The following RASSF3 variants were observed in gnomAD, a reference collection of about 807,000 sequenced individuals.
The protein encoded by RASSF3 is Ras association domain family member 3, also known as ras association domain-containing protein 3.
In RASSF3, 19 loss-of-function variants were observed where a neutral mutation model predicts 19.9. The ratio of observed to expected loss-of-function variants is 0.96; its 90% CI spans 0.67 to 1.40. RASSF3 has a LOEUF of 1.40. Ranked by LOEUF, RASSF3 falls within the 40% of genes most tolerant of loss-of-function variation. The probability of loss-of-function intolerance (pLI) is 0.00; values close to 1 mark genes in which losing one functional copy is unlikely to be tolerated. For missense variants in RASSF3, 306 were observed against 289.8 expected, an observed-to-expected ratio of 1.06 and a Z score of -0.41; for synonymous variants, 110 against 104.2, an observed-to-expected ratio of 1.06 and a Z score of -0.34.
At chr12:64,540,758 T>G (rs1232149299) in intron 1 of RASSF3, among the ~76,000 whole-genome samples, 2 of 152,202 alleles carry the variant, frequency 1.3e-5, no homozygotes, top group Non-Finnish European at 2.9e-5. Flanking sequence ...AGGTCAAGAC[T>G]GCAGTAAGCT....
chr12:64,535,270 C>T (rs556162572), intron 1 of RASSF3, among the ~76,000 whole-genome samples: 1 of 151,934 alleles, frequency 6.6e-6, no homozygotes, highest in South Asian at 2.1e-4. Context: ...GGGCTGCAAT[C>T]ATGCCACTGC....
intron 1 of RASSF3, among the ~76,000 whole-genome samples, chr12:64,632,187 C>T (rs920617415): frequency 1.4e-4 from 22 of 152,052 alleles, no homozygotes; most frequent in Admixed American, 3.3e-4. Flanking sequence ...AGGCAGGCAC[C>T]GGGCCAGAAG....
chr12:64,584,800 G>A (rs922275015), intron 2 of RASSF3, among the ~76,000 whole-genome samples: 8 of 151,362 alleles, frequency 5.3e-5, no homozygotes, highest in Non-Finnish European at 1.0e-4. Context: ...GGGAGGTTTG[G>A]TTGGCTGAAG....
At chr12:64,547,398 C>T (rs1018634454) in intron 2 of RASSF3, among the ~76,000 whole-genome samples, 8 of 151,916 alleles carry the variant, frequency 5.3e-5, no homozygotes, top group Non-Finnish European at 1.0e-4. Flanking sequence ...AAACCCCCAT[C>T]TCTACTAAAA....
intron 1 of RASSF3, among the ~76,000 whole-genome samples, chr12:64,641,428 G>T (rs1000766100): frequency 1.6e-5 from 1 of 61,948 alleles, no homozygotes; most frequent in African/African-American, 7.0e-5. Context: ...GCGCGCGCGC[G>T]TTGAAAACAA....
At chr12:64,510,101 A>G (rs1868319914) in intron 1 of RASSF3, among the ~76,000 whole-genome samples, 1 of 151,924 alleles carries the variant, frequency 6.6e-6, no homozygotes, top group Non-Finnish European at 1.5e-5. Context: ...AAAAAAAAAA[A>G]AAAAAATTTC....
At chr12:64,532,409 C>G (rs912867620), upstream of RASSF3, among the ~76,000 whole-genome samples, 3 of 152,192 alleles carry the variant, frequency 2.0e-5, no homozygotes, top group African/African-American at 7.2e-5. Context: ...AATCAGCAGT[C>G]CTGCTCATAA....
chr12:64,508,845 G>T (rs534565219), intron 1 of RASSF3, among the ~76,000 whole-genome samples: 1 of 150,376 alleles, frequency 6.6e-6, no homozygotes, highest in South Asian at 2.1e-4. Context: ...GAGATTGTGC[G>T]ATTGCACTCC....
At chr12:64,647,379 G>A (rs1592442331) in intron 1 of RASSF3, among the ~76,000 whole-genome samples, 1 of 151,484 alleles carries the variant, frequency 6.6e-6, no homozygotes, top group East Asian at 1.9e-4. Context: ...GGGATTGCAG[G>A]CACACACCAC....
chr12:64,539,779 GA>G (rs902772917), intron 1 of RASSF3, among the ~76,000 whole-genome samples: 6 of 147,358 alleles, frequency 4.1e-5, no homozygotes, highest in African/African-American at 1.2e-4. Flanking sequence ...TGTCTCAAAA[GA>G]AAAAAAAAAT....
downstream of RASSF3, among the ~76,000 whole-genome samples, chr12:64,542,905 C>G (rs560902444): frequency 7.9e-4 from 121 of 152,248 alleles, no homozygotes; most frequent in African/African-American, 2.7e-3. Flanking sequence ...GGAGGCGGCT[C>G]CCTCAGTCTG....
At chr12:64,579,806 TG>T (rs1371234240) in intron 2 of RASSF3, among the ~76,000 whole-genome samples, 4 of 132,714 alleles carry the variant, frequency 3.0e-5, no homozygotes, top group African/African-American at 1.1e-4. Flanking sequence ...GGTGTTTTTT[TG>T]GGTTTTTTTT....
chr12:64,602,731 A>AAAAG (rs979773421), intron 2 of RASSF3, among the ~76,000 whole-genome samples: 3 of 152,270 alleles, frequency 2.0e-5, no homozygotes, highest in South Asian at 2.1e-4. Context: ...AAAAATGAAA[A>AAAAG]AAAGAAAGAA....
chr12:64,519,781 T>C (rs918172368), intron 1 of RASSF3, among the ~76,000 whole-genome samples: 2 of 152,148 alleles, frequency 1.3e-5, no homozygotes, highest in South Asian at 2.1e-4. Context: ...TGTTTATGTA[T>C]ATAAACACGT....
chr12:64,602,773 A>G (rs1236529447), intron 2 of RASSF3, among the ~76,000 whole-genome samples: 1 of 151,942 alleles, frequency 6.6e-6, no homozygotes, highest in Admixed American at 6.6e-5. Context: ...TCACAACTAA[A>G]GAAGGATTTC....
At chr12:64,575,083 C>T (rs1869574195) in intron 2 of RASSF3, among the ~76,000 whole-genome samples, 1 of 152,034 alleles carries the variant, frequency 6.6e-6, no homozygotes, top group African/African-American at 2.4e-5. Context: ...AAAGAAATAA[C>T]AGAAATAAGG....
chr12:64,573,630 T>A (rs949394292), intron 2 of RASSF3, among the ~76,000 whole-genome samples: 23 of 152,322 alleles, frequency 1.5e-4, no homozygotes, highest in African/African-American at 5.3e-4. Context: ...TATTTATTGG[T>A]CTCAGGTCCC....
intron 1 of RASSF3, among the ~76,000 whole-genome samples, chr12:64,669,988 T>G (rs1459568889): frequency 1.3e-5 from 2 of 151,384 alleles, no homozygotes; most frequent in Non-Finnish European, 2.9e-5. Context: ...TGAGTAATGT[T>G]TAAAAACCAC....
At chr12:64,651,414 A>T (rs142992138) in intron 1 of RASSF3, among the ~76,000 whole-genome samples, 42 of 152,298 alleles carry the variant, frequency 2.8e-4, no homozygotes, top group African/African-American at 8.4e-4. Flanking sequence ...ACTGGAGTGC[A>T]GTGGCTTGAT....
Sources: allele counts gnomAD v4.1 joint callset (sites outside exome capture counted in the v4.1 genomes callset), GRCh38; gene constraint gnomAD v4.1.1; transcripts MANE v1.5; gene names NCBI Gene and HGNC (gene_info 2026-07-23, HGNC 2026-07-21).